The following MTRF1 variants were observed in gnomAD, a reference collection of about 807,000 sequenced individuals.
The protein encoded by MTRF1 is mitochondrial translation release factor 1.
Under a neutral mutation model 62.9 loss-of-function variants are expected in MTRF1, and 51 were observed. The ratio of observed to expected loss-of-function variants is 0.81; its 90% CI spans 0.65 to 1.02. MTRF1 has a LOEUF of 1.02. Ranked by LOEUF, MTRF1 falls within the 50% of genes least tolerant of loss-of-function variation. The probability of loss-of-function intolerance (pLI) is 0.00; values close to 1 mark genes in which losing one functional copy is unlikely to be tolerated. For synonymous variants in MTRF1, 158 were observed against 181.9 expected (o/e 0.87, Z 1.06); for missense variants, 446 against 530.0 (o/e 0.84, Z 1.56).
chr13:41,309,763 G>A, the MTRF1 span, among the ~76,000 whole-genome samples: 2 of 152,132 alleles, frequency 1.3e-5, no homozygotes, highest in East Asian at 1.9e-4. Context: ...TTGGAAGGCC[G>A]AGGTGGGCAG....
chr13:41,263,853 C>G (rs888457356), upstream of MTRF1, among the ~76,000 whole-genome samples: 3 of 152,104 alleles, frequency 2.0e-5, no homozygotes, highest in Admixed American at 1.3e-4. Flanking sequence ...ACTACAACTC[C>G]CAGAGCGCCC....
At chr13:41,282,169 A>C in the MTRF1 span, among the ~76,000 whole-genome samples, 4 of 151,450 alleles carry the variant, frequency 2.6e-5, no homozygotes, top group Non-Finnish European at 5.9e-5. Flanking sequence ...TACTCTGACT[A>C]ACAGCTCTGG....
At chr13:41,239,780 G>C (rs2037212994) in intron 6 of MTRF1, among the ~76,000 whole-genome samples, 1 of 151,968 alleles carries the variant, frequency 6.6e-6, no homozygotes, top group South Asian at 2.1e-4. Context: ...AAAACATCTT[G>C]GTCAATGATA....
chr13:41,234,517 G>A (rs1366315726), intron 6 of MTRF1, among the ~76,000 whole-genome samples: 1 of 152,064 alleles, frequency 6.6e-6, no homozygotes, highest in Non-Finnish European at 1.5e-5. Context: ...AGGATGTTAT[G>A]AGATCACTGA....
chr13:41,261,774 A>T, intron 1 of MTRF1: 1 of 984,888 alleles, frequency 1.0e-6, no homozygotes, highest in Non-Finnish European at 1.2e-6. Context: ...AGTAATTTTC[A>T]CTCTCAATTG....
chr13:41,292,967 T>G, the MTRF1 span, among the ~76,000 whole-genome samples: 63 of 152,244 alleles, frequency 4.1e-4, no homozygotes, highest in African/African-American at 1.5e-3. Flanking sequence ...CCACAAAAAC[T>G]TATTTGCCTG....
At chr13:41,249,154 T>C (rs1274220274) in intron 5 of MTRF1, among the ~76,000 whole-genome samples, 2 of 152,246 alleles carry the variant, frequency 1.3e-5, no homozygotes, top group South Asian at 2.1e-4. Flanking sequence ...TGTGCACATA[T>C]ATGTAATTTA....
At chr13:41,311,292 G>A in the MTRF1 span, 21 of 545,030 alleles carry the variant, frequency 3.9e-5, no homozygotes, top group Admixed American at 1.5e-4. Flanking sequence ...CGCCGCCGCC[G>A]CCGCTGGCCA....
intron 6 of MTRF1, among the ~76,000 whole-genome samples, chr13:41,238,536 T>C (rs2037036457): frequency 6.6e-6 from 1 of 152,100 alleles, no homozygotes; most frequent in African/African-American, 2.4e-5. Context: ...TGCCAGTTAA[T>C]AAATGTGGAA....
the MTRF1 span, among the ~76,000 whole-genome samples, chr13:41,281,779 A>G: frequency 6.6e-5 from 10 of 152,270 alleles, no homozygotes; most frequent in African/African-American, 2.2e-4. Context: ...CTTTGCTTGA[A>G]TTTGTAGATT....
At chr13:41,218,361 C>T (rs1184594813) in intron 9 of MTRF1, among the ~76,000 whole-genome samples, 4 of 146,600 alleles carry the variant, frequency 2.7e-5, no homozygotes, top group Non-Finnish European at 4.5e-5. Context: ...TGAGCTCAAG[C>T]GATCCTCCCA....
the MTRF1 span, among the ~76,000 whole-genome samples, chr13:41,290,771 C>G: frequency 6.6e-6 from 1 of 151,676 alleles, no homozygotes; most frequent in African/African-American, 2.4e-5. Flanking sequence ...TCTAAAACTG[C>G]AATTACTTTT....
At chr13:41,219,199 G>A (rs1432710950) in intron 9 of MTRF1, among the ~76,000 whole-genome samples, 1 of 149,972 alleles carries the variant, frequency 6.7e-6, no homozygotes, top group Non-Finnish European at 1.5e-5. Context: ...GCTGAGGCTG[G>A]AGAATTGCTT....
chr13:41,260,503 T>C lies in MTRF1; in HGVS notation c.405A>G (p.Ser135=), dbSNP rs191606711. The change falls in exon 2 of 10, where the codon TCA becomes TCG. Residue 135 remains serine (S), a synonymous_variant. Coordinates refer to ENST00000379480, the MANE Select transcript of MTRF1 (RefSeq NM_004294.4). ...GTATCTTTTACCTACTTTTACACAT[T>C]GATTCTAATTCTTCAATTGCTTGTT... ...ETEQAIEELE[S]MCKSLNKQDE... is the part of the protein sequence containing the mutation. 457 of 1,612,152 alleles carry C rather than the reference T, an allele frequency of 2.8e-4. 5 individuals are homozygous for C. The Admixed American group carries it at 7.5e-3, about 26-fold the overall frequency.
rs1173514731 is a variant in MTRF1 at position 41,240,419 on chromosome 13, C to T, written c.712G>A (p.Ala238Thr). The change falls in exon 6 of 10, where the codon GCA (alanine) becomes ACA (threonine). Residue 238 changes from alanine to threonine, a missense_variant. Physicochemically the swap from Ala to Thr is moderately conservative, Grantham distance 58. Transcript: ENST00000379480. ...TPADYGGLHH[A>T]AARISGDGVY... ...CCGTCACCGGAAATTCGGGCGGCTG[C>T]ATGATGTAGTCCACCTAGGGGAACA... The T allele has an allele frequency of 2.0e-5, 33 of 1,613,382 alleles. No individual in the cohort carries two copies. The highest frequency in any genetic ancestry group is 2.7e-5 in the Non-Finnish European group (32 of 1,179,628).
the MTRF1 span, among the ~76,000 whole-genome samples, chr13:41,304,857 T>C: frequency 6.6e-6 from 1 of 152,320 alleles, no homozygotes; most frequent in Middle Eastern, 3.4e-3. Flanking sequence ...ATGTGTGATC[T>C]CTAATCAGCA....
the MTRF1 span, among the ~76,000 whole-genome samples, chr13:41,275,973 A>C: frequency 1.3e-5 from 2 of 152,102 alleles, no homozygotes; most frequent in African/African-American, 4.8e-5. Flanking sequence ...CATTGTACGC[A>C]ATTTGCATTT....
the MTRF1 span, among the ~76,000 whole-genome samples, chr13:41,307,695 G>T: frequency 1.3e-5 from 2 of 151,810 alleles, no homozygotes; most frequent in African/African-American, 4.8e-5. Context: ...CCTGCTTCCC[G>T]TTTGCCTTCC....
chr13:41,288,199 A>T, the MTRF1 span: 1 of 472,412 alleles, frequency 2.1e-6, no homozygotes, highest in African/African-American at 2.0e-5. Flanking sequence ...CATTGGCAGC[A>T]GAATAATTGT....
Sources: gnomAD v4.1 joint callset for allele counts (sites outside exome capture counted in the v4.1 genomes callset) on GRCh38, gnomAD v4.1.1 for gene constraint, MANE v1.5 for transcripts, NCBI Gene and HGNC (gene_info 2026-07-23, HGNC 2026-07-21) for gene names.